Variants in CCNH observed in about 807,000 individuals in gnomAD.
CCNH encodes cyclin H.
A neutral mutation model predicts 41.9 loss-of-function variants in CCNH; 31 were observed. The ratio of observed to expected loss-of-function variants is 0.74; its 90% CI spans 0.56 to 1.00. CCNH has a LOEUF of 1.00. Ranked by LOEUF, CCNH falls within the 50% of genes least tolerant of loss-of-function variation. The pLI is 0.00. For missense variants in CCNH, 362 were observed against 388.4 expected (o/e 0.93, Z 0.57); for synonymous variants, 138 against 136.1 (o/e 1.01, Z -0.10).
downstream of CCNH, among the ~76,000 whole-genome samples, chr5:87,313,456 T>TA (rs1162839042): frequency 1.3e-5 from 2 of 152,220 alleles, no homozygotes; most frequent in African/African-American, 2.4e-5. Flanking sequence ...TTTGGCTAGA[T>TA]ACGTGGATTT....
downstream of CCNH, chr5:87,391,274 A>G (rs1762495483): frequency 5.3e-6 from 2 of 380,900 alleles, no homozygotes; most frequent in East Asian, 8.4e-5. Flanking sequence ...GACAAGAAAC[A>G]CATTCTTATT....
At chr5:87,399,712 C>T (rs1763251967) in intron 6 of CCNH, among the ~76,000 whole-genome samples, 1 of 152,156 alleles carries the variant, frequency 6.6e-6, no homozygotes, top group South Asian at 2.1e-4. Flanking sequence ...TGGCTCTCTG[C>T]TGTTTAGCCC....
rs3069490 is a variant in CCNH at position 87,338,501 on chromosome 5, TTATATATATATATA to T, written c.*91-19618_*91-19605del. On this transcript the variant is annotated intron_variant and NMD_transcript_variant, in intron 9 of 9. Coordinates refer to the CCNH transcript ENST00000645953. ...CATGTGCCACCATGCCCAGCTAATT[TTATATATATATATA>T]TATATATATATATATATAAAATTTT... Among the ~76,000 whole-genome samples the T allele has an allele frequency of 2.4e-3, 181 of 75,670 alleles. 5 individuals are homozygous for T. Among genetic ancestry groups the T allele is most frequent in the African/African-American group, 8.1e-3 (166 of 20,556 alleles). The allele number at this position is 75,670 out of a possible 152,430, so 49.6% of individuals were successfully genotyped here. A position where few individuals can be genotyped will look rare whatever the true frequency, so the allele number is the denominator to read the frequency against.
At chr5:87,394,724 T>TTGAC in intron 8 of CCNH, 1 of 1,332,768 alleles carries the variant, frequency 7.5e-7, no homozygotes, top group Non-Finnish European at 9.6e-7. Flanking sequence ...CTTATTTGAC[T>TTGAC]TGACAGATAG....
At chr5:87,389,487 A>G, downstream of CCNH, 1 of 1,614,120 alleles carries the variant, frequency 6.2e-7, no homozygotes, top group African/African-American at 1.3e-5. Context: ...GCTCATTCAG[A>G]TGAACTTCGA....
exon 1 of CCNH, chr5:87,377,060 G>A: frequency 1.2e-6 from 2 of 1,606,342 alleles, no homozygotes; most frequent in Non-Finnish European, 1.7e-6. Flanking sequence ...GGCCATGTTA[G>A]TGTGATACAA....
chr5:87,412,735 T>G lies in CCNH; in HGVS notation c.60A>C (p.Ala20=), dbSNP rs754240492. 6.2e-7 allele frequency: 1 copy of G among 1,614,234 alleles called. No individual in the cohort carries two copies. Among genetic ancestry groups the G allele is most frequent in the Non-Finnish European group, 8.5e-7 (1 of 1,180,040 alleles). ...HWTFSSEEQL[A]RLRADANRKF... ...TGCGGTTGGCGTCAGCCCGCAGTCTTGCCAGCTGCTCCTCGCTGGAGAAGG... is the reference window on the plus strand; with the variant it reads ...TGCGGTTGGCGTCAGCCCGCAGTCTGGCCAGCTGCTCCTCGCTGGAGAAGG... The change falls in exon 1 of 9, where the codon GCA becomes GCC. Residue 20 remains alanine (A), a synonymous_variant. Transcript: ENST00000256897.
At chr5:87,389,954 C>T (rs1178093938), downstream of CCNH, among the ~76,000 whole-genome samples, 2 of 152,114 alleles carry the variant, frequency 1.3e-5, no homozygotes, top group Non-Finnish European at 2.9e-5. Context: ...TCAAATTTCA[C>T]ATCCAGAGGT....
rs372974923 is a variant in CCNH, at chr5:87,407,319, C to G, written c.525+657G>C. Among the ~76,000 whole-genome samples, 51 of 152,226 alleles carry G rather than the reference C, an allele frequency of 3.4e-4. No individual in the cohort carries two copies. In the South Asian group the frequency reaches 9.9e-3, roughly 30 times the overall value. ...AAGGTTCACAAAAGTTGAGACTGTT[C>G]CTGTCCTATTTCTGGTTACATCCTC... is the stretch of plus-strand genomic sequence containing the variant. On this transcript the variant is annotated intron_variant, in intron 4 of 8. Transcript: ENST00000256897.
chr5:87,368,692 A>C (rs1167787940), intron 9 of CCNH, among the ~76,000 whole-genome samples: 3 of 152,092 alleles, frequency 2.0e-5, no homozygotes, highest in Non-Finnish European at 4.4e-5. Context: ...CTATCAAACT[A>C]CTGGATTTGT....
At chr5:87,402,251 A>G (rs1436905844) in intron 5 of CCNH, among the ~76,000 whole-genome samples, 3 of 152,226 alleles carry the variant, frequency 2.0e-5, no homozygotes, top group Admixed American at 6.5e-5. Context: ...TCTGTGGAGT[A>G]ACAGACATTC....
downstream of CCNH, among the ~76,000 whole-genome samples, chr5:87,317,565 A>G (rs144698391): frequency 2.0e-3 from 298 of 150,290 alleles, 1 homozygote; most frequent in Non-Finnish European, 3.3e-3. Context: ...GTTTCCACCT[A>G]TCTTTTGTCT....
chr5:87,402,080 C>T (rs1763464142), intron 5 of CCNH, among the ~76,000 whole-genome samples: 1 of 152,108 alleles, frequency 6.6e-6, no homozygotes, highest in South Asian at 2.1e-4. Flanking sequence ...TAAGGCTAAC[C>T]TTATTTTACA....
chr5:87,409,060 G>C, intron 3 of CCNH: 1 of 314,342 alleles, frequency 3.2e-6, no homozygotes, highest in South Asian at 1.0e-4. Flanking sequence ...AACAAAATTT[G>C]AATCTGGACA....
rs377483520 is a variant in CCNH, at chr5:87,332,588, T to C, written c.*91-13691A>G. On this transcript the variant is annotated intron_variant and NMD_transcript_variant, in intron 9 of 9. Coordinates refer to the CCNH transcript ENST00000645953. The stretch of plus-strand genomic sequence containing the variant: ...CAGACCTAATAGGTTATTACAGTCA[T>C]GTTTCTTGTTTGCTTAAAGGAGAAA... 6.2e-6 allele frequency: 10 copies of C among 1,610,366 alleles called. No homozygotes were observed. The highest frequency in any genetic ancestry group is 1.3e-5 in the African/African-American group (1 of 74,826).
In CCNH at chr5:87,329,396, C is replaced by T. The variant is rs147148258; in HGVS notation, c.*91-10499G>A. Among the ~76,000 whole-genome samples, 1,080 of 152,002 alleles carry T rather than the reference C, an allele frequency of 7.1e-3. 15 individuals carry two copies. The highest frequency in any genetic ancestry group is 0.024 in the African/African-American group (1,010 of 41,474). ...GGTGGGGGTTGCAGTGAGCTGAGAT[C>T]GTACCAGTGTACTCCAGCCTGGGCG... On this transcript the variant is annotated intron_variant and NMD_transcript_variant, in intron 9 of 9. Transcript: ENST00000645953.
Position 87,363,358 on chromosome 5 carries a change from A to G in CCNH, c.*90+29412T>C, listed in dbSNP as rs1760260767. The G allele has an allele frequency of 1.2e-6, 2 of 1,609,106 alleles. No homozygotes were observed. Among genetic ancestry groups the G allele is most frequent in the African/African-American group, 2.7e-5 (2 of 74,738 alleles). ...TTTTTTTTTAAACAGGCAAAGGAAA[A>G]CGTTGGAAAAATTTATATTTTATCT... On this transcript the variant is annotated intron_variant and NMD_transcript_variant, in intron 9 of 9. Coordinates refer to the CCNH transcript ENST00000645953.
chr5:87,351,455 A>T lies in CCNH; in HGVS notation c.*91-32558T>A, dbSNP rs894970750. On this transcript the variant is annotated intron_variant and NMD_transcript_variant, in intron 9 of 9. Coordinates refer to the CCNH transcript ENST00000645953. ...GACAATGGATTTTGGCTAGACCTTG[A>T]GGAGACAATATTAACATTTATCTAG... Among the ~76,000 whole-genome samples, 5 of 151,890 alleles carry T rather than the reference A, an allele frequency of 3.3e-5. No individual in the cohort carries two copies. In the South Asian group the frequency reaches 8.3e-4, roughly 25 times the overall value.
intron 9 of CCNH, among the ~76,000 whole-genome samples, chr5:87,344,722 C>T (rs1050991732): frequency 7.1e-6 from 1 of 141,810 alleles, no homozygotes; most frequent in African/African-American, 2.6e-5. Flanking sequence ...TCTTACTATG[C>T]TGCCCAGACT....
Sources: gnomAD v4.1 joint callset for allele counts (sites outside exome capture counted in the v4.1 genomes callset) on GRCh38, gnomAD v4.1.1 for gene constraint, MANE v1.5 for transcripts, NCBI Gene and HGNC (gene_info 2026-07-23, HGNC 2026-07-21) for gene names.